ARHGAP32: variants seen among roughly 807,000 people sequenced by gnomAD.
ARHGAP32 encodes rho GTPase-activating protein 32.
Under a neutral mutation model 186.5 loss-of-function variants are expected in ARHGAP32, and 51 were observed. The observed-to-expected ratio is 0.27, with a 90% CI of 0.22 to 0.35. The LOEUF (loss-of-function observed/expected upper bound fraction) is 0.35, where lower values mean the gene tolerates loss of function less well. Among genes scored for constraint, ARHGAP32 ranks in the 10% least tolerant of loss-of-function variants. The pLI is 1.00. For missense variants in ARHGAP32, 2,186 were observed against 2,623.5 expected (o/e 0.83, Z 3.64); for synonymous variants, 950 against 964.3 (o/e 0.99, Z 0.27).
At chr11:129,048,896 A>G (rs752941742) in intron 10 of ARHGAP32, among the ~76,000 whole-genome samples, 200 of 152,298 alleles carry the variant, frequency 1.3e-3, no homozygotes, top group Middle Eastern at 3.4e-3. Flanking sequence ...AAAAAAAGAC[A>G]CAAGAGTAGA....
At chr11:129,032,289 C>T (rs1939148054) in intron 11 of ARHGAP32, among the ~76,000 whole-genome samples, 1 of 152,218 alleles carries the variant, frequency 6.6e-6, no homozygotes, top group African/African-American at 2.4e-5. Context: ...CTGCTCCTAC[C>T]AGTTGCCCAG....
chr11:129,001,199 C>A (rs1217892723), intron 11 of ARHGAP32, among the ~76,000 whole-genome samples: 3 of 152,052 alleles, frequency 2.0e-5, no homozygotes, highest in African/African-American at 7.2e-5. Context: ...TTTTGAGGAC[C>A]CTCAAACTAT....
intron 5 of ARHGAP32, among the ~76,000 whole-genome samples, chr11:129,113,826 T>C (rs1054695042): frequency 5.9e-5 from 9 of 152,128 alleles, no homozygotes; most frequent in Non-Finnish European, 1.0e-4. Context: ...TTTCCTCACA[T>C]ATTCTCCTCC....
At chr11:129,232,362 T>A (rs767593241) in intron 1 of ARHGAP32, among the ~76,000 whole-genome samples, 2 of 152,174 alleles carry the variant, frequency 1.3e-5, no homozygotes. Context: ...CTAGCCCCAC[T>A]TTTCATGGCA....
At chr11:128,985,827 TGTGC>T (rs1555063713) in intron 15 of ARHGAP32, 172 bp downstream of exon 15, 9 of 154,512 alleles carry the variant, frequency 5.8e-5, no homozygotes, top group Non-Finnish European at 3.5e-5. Context: ...TGTGTGTGTG[TGTGC>T]GTGTGTGTGT....
At chr11:128,972,078 C>T (rs2136070972) in intron 22 of ARHGAP32, 1 of 157,666 alleles carries the variant, frequency 6.3e-6, no homozygotes, top group South Asian at 2.0e-4. Context: ...AATGACTTGC[C>T]CAAAGTCACA....
chr11:129,169,379 C>A (rs1023089826), intron 1 of ARHGAP32, among the ~76,000 whole-genome samples: 1 of 152,020 alleles, frequency 6.6e-6, no homozygotes, highest in African/African-American at 2.4e-5. Flanking sequence ...AGGCTGTAAT[C>A]CCAGCACTTT....
chr11:128,973,029 T>C lies in ARHGAP32; in HGVS notation c.3477A>G (p.Val1159=), dbSNP rs144380130. The change falls in exon 22 of 23, where the codon GTA becomes GTG. Residue 1159 remains valine, a synonymous_variant. Transcript: ENST00000682385. ...GATGTGGCTGATTCCCTGTTAAGTC[T>C]ACTTGGTGATGTTGCTCCCCAGATT... ...TTESGEQHHQ[V]DLTGNQPHQA... is the part of the protein sequence containing the mutation. 3 of 1,614,160 alleles carry C rather than the reference T, an allele frequency of 1.9e-6. No homozygotes were observed. Among genetic ancestry groups the C allele is most frequent in the Non-Finnish European group, 2.5e-6 (3 of 1,180,028 alleles).
chr11:129,155,257 G>A (rs576948777), intron 2 of ARHGAP32, among the ~76,000 whole-genome samples: 117 of 152,118 alleles, frequency 7.7e-4, no homozygotes, highest in Non-Finnish European at 1.3e-3. Flanking sequence ...CAATTTCCAC[G>A]TGTATTATCA....
At chr11:129,047,119 G>C (rs1939843117) in intron 10 of ARHGAP32, among the ~76,000 whole-genome samples, 1 of 138,388 alleles carries the variant, frequency 7.2e-6, no homozygotes, top group Non-Finnish European at 1.6e-5. Flanking sequence ...CAGAGTGAAA[G>C]ACTCCGTCTC....
intron 1 of ARHGAP32, among the ~76,000 whole-genome samples, chr11:129,242,181 T>G (rs1012604090): frequency 6.6e-6 from 1 of 152,166 alleles, no homozygotes; most frequent in East Asian, 1.9e-4. Context: ...GCAAACCACC[T>G]ATGGTGCAAA....
intron 6 of ARHGAP32, among the ~76,000 whole-genome samples, chr11:129,093,345 A>T (rs1941633678): frequency 6.6e-6 from 1 of 152,126 alleles, no homozygotes; most frequent in Non-Finnish European, 1.5e-5. Flanking sequence ...CAAAAGCCTT[A>T]GGAACTTTCT....
rs372562110 is a variant in ARHGAP32, at chr11:129,171,574, C to T, written c.117-7147G>A. Among the ~76,000 whole-genome samples the T allele has an allele frequency of 2.2e-3, 337 of 152,234 alleles. 3 individuals are homozygous for T. In the South Asian group the frequency reaches 0.033, roughly 15 times the overall value. On this transcript the variant is annotated intron_variant, in intron 1 of 22. Coordinates refer to ENST00000682385, the MANE Select transcript of ARHGAP32 (RefSeq NM_001378024.1). ...TACCCTGCTGTTTTGGTTACGGTAG[C>T]GTTGTAGTATAGTTTGAAGTCAGGT...
intron 11 of ARHGAP32, among the ~76,000 whole-genome samples, chr11:129,014,998 T>C (rs1938265914): frequency 6.6e-6 from 1 of 152,188 alleles, no homozygotes; most frequent in Non-Finnish European, 1.5e-5. Flanking sequence ...AATATATCTA[T>C]TCACGCTAAT....
At chr11:128,983,934 A>T (rs1327077460) in intron 15 of ARHGAP32, among the ~76,000 whole-genome samples, 6 of 152,186 alleles carry the variant, frequency 3.9e-5, no homozygotes, top group Non-Finnish European at 8.8e-5. Flanking sequence ...AAACTTCGCA[A>T]CCTGGAACGT....
At chr11:129,106,216 T>C (rs1186476783) in intron 5 of ARHGAP32, among the ~76,000 whole-genome samples, 2 of 152,118 alleles carry the variant, frequency 1.3e-5, no homozygotes, top group African/African-American at 2.4e-5. Flanking sequence ...AAAAGACGCA[T>C]GCACTCACTT....
intron 5 of ARHGAP32, among the ~76,000 whole-genome samples, chr11:129,097,931 G>C (rs1484895243): frequency 6.6e-6 from 1 of 152,112 alleles, no homozygotes; most frequent in East Asian, 1.9e-4. Flanking sequence ...AGATAGGAGT[G>C]ACTCAACACC....
chr11:129,034,452 C>T (rs1030444719), intron 11 of ARHGAP32, among the ~76,000 whole-genome samples: 1 of 151,848 alleles, frequency 6.6e-6, no homozygotes, highest in African/African-American at 2.4e-5. Context: ...CTTTTCTTCT[C>T]TGTTCTCCAT....
intron 5 of ARHGAP32, among the ~76,000 whole-genome samples, chr11:129,120,435 A>G (rs953230977): frequency 2.6e-5 from 4 of 152,090 alleles, no homozygotes; most frequent in African/African-American, 9.7e-5. Context: ...CAAAGAAGAG[A>G]TCATAAAATT....
Sources: allele counts gnomAD v4.1 joint callset (sites outside exome capture counted in the v4.1 genomes callset), GRCh38; gene constraint gnomAD v4.1.1; transcripts MANE v1.5; gene names NCBI Gene and HGNC (gene_info 2026-07-23, HGNC 2026-07-21).